CYP7B1: variants seen among roughly 807,000 people sequenced by gnomAD.
The protein encoded by CYP7B1 is cytochrome P450 7B1.
CYP7B1 carries 29 observed loss-of-function variants against 42.7 expected under a neutral mutation model. The ratio of observed to expected loss-of-function variants is 0.68; its 90% CI spans 0.51 to 0.93. The LOEUF (loss-of-function observed/expected upper bound fraction) is 0.93, where lower values mean the gene tolerates loss of function less well. Ranked by LOEUF, CYP7B1 falls within the 40% of genes least tolerant of loss-of-function variation. The pLI is 0.00. For synonymous variants in CYP7B1, 235 were observed against 218.2 expected (o/e 1.08, Z -0.68); for missense variants, 655 against 600.5 (o/e 1.09, Z -0.95).
At chr8:64,625,439 C>T (rs903772814) in intron 1 of CYP7B1, among the ~76,000 whole-genome samples, 6 of 152,050 alleles carry the variant, frequency 3.9e-5, no homozygotes, top group African/African-American at 7.2e-5. Context: ...AGGAGATCTC[C>T]GGGAAACTAA....
chr8:64,630,360 C>A (rs1306251180), intron 1 of CYP7B1, among the ~76,000 whole-genome samples: 2 of 152,158 alleles, frequency 1.3e-5, no homozygotes, highest in African/African-American at 4.8e-5. Context: ...TTAAATCTGG[C>A]CCACTATCTA....
intron 4 of CYP7B1, among the ~76,000 whole-genome samples, chr8:64,609,776 AC>A (rs1343658727): frequency 7.9e-5 from 12 of 152,180 alleles, no homozygotes; most frequent in Admixed American, 2.0e-4. Context: ...ATTATCAGCA[AC>A]CCTGGATGGC....
chr8:64,641,542 G>A (rs1423232125), intron 1 of CYP7B1, among the ~76,000 whole-genome samples: 1 of 152,076 alleles, frequency 6.6e-6, no homozygotes, highest in Non-Finnish European at 1.5e-5. Flanking sequence ...AAAAGGTTCA[G>A]GAAAACTAAT....
At chr8:64,761,879 AC>A (rs1432174918) in intron 1 of CYP7B1, among the ~76,000 whole-genome samples, 1 of 152,196 alleles carries the variant, frequency 6.6e-6, no homozygotes, top group African/African-American at 2.4e-5. Flanking sequence ...CATATTCTTA[AC>A]AAGACCTTGT....
At chr8:64,655,679 A>T (rs564842191) in intron 1 of CYP7B1, among the ~76,000 whole-genome samples, 144 of 152,336 alleles carry the variant, frequency 9.5e-4, no homozygotes, top group Non-Finnish European at 1.5e-3. Flanking sequence ...CCAGAGGAAT[A>T]TAAACTATTT....
At chr8:64,759,463 C>T (rs550257405) in intron 1 of CYP7B1, among the ~76,000 whole-genome samples, 1 of 152,286 alleles carries the variant, frequency 6.6e-6, no homozygotes, top group Non-Finnish European at 1.5e-5. Context: ...ATGTGTTCCC[C>T]TCTGTTGACT....
chr8:64,735,985 T>C (rs532391485), intron 1 of CYP7B1, among the ~76,000 whole-genome samples: 2 of 152,346 alleles, frequency 1.3e-5, no homozygotes, highest in South Asian at 4.1e-4. Context: ...TTTTAATGTT[T>C]TCACCCATGC....
chr8:64,736,639 T>TG (rs1807491809), intron 1 of CYP7B1, among the ~76,000 whole-genome samples: 1 of 151,846 alleles, frequency 6.6e-6, no homozygotes, highest in African/African-American at 2.4e-5. Flanking sequence ...TTAGTAGAGA[T>TG]GGGGTTTCAC....
chr8:64,774,529 TA>T (rs148604822), intron 1 of CYP7B1, among the ~76,000 whole-genome samples: 12,297 of 151,320 alleles, frequency 0.081, 746 homozygotes, highest in African/African-American at 0.16. Context: ...GGGGATCAAG[TA>T]AAAAAAAACT....
At position 64,596,533 on chromosome 8, in the gene CYP7B1, C is replaced by T. The variant is rs867985937; in HGVS notation, c.*109G>A. The T allele has an allele frequency of 3.6e-5, 43 of 1,185,428 alleles. No individual in the cohort carries two copies. Among genetic ancestry groups the T allele is most frequent in the Middle Eastern group, 5.7e-4 (2 of 3,498 alleles). 73.4% of individuals were successfully genotyped at this position (1,185,428 alleles called of 1,614,324 possible). ...ATATCAGATCAAATAGAAATTAGCG[C>T]TTTTTAAACAAATAAATCAATTACA... On this transcript the variant is annotated 3_prime_UTR_variant, in exon 6 of 6. Coordinates refer to ENST00000310193, the MANE Select transcript of CYP7B1 (RefSeq NM_004820.5).
Position 64,616,197 on chromosome 8 carries a change from G to C in CYP7B1, c.344C>G (p.Ser115Cys), listed in dbSNP as rs762579939. ...NHKQLSFRVF[S>C]NKLLEKAFSI... ...AAATGCTTTCTCTAATAATTTATTA[G>C]AAAATACTCGAAAGCTTAATTGTTT... Residue 115 changes from serine (S) to cysteine (C), a missense_variant, in exon 3 of 6, where the codon TCT becomes TGT. Ser to Cys is a moderately radical substitution (Grantham distance 112). Transcript: ENST00000310193. 6.2e-7 allele frequency: 1 copy of C among 1,610,644 alleles called. No homozygotes were observed. Among genetic ancestry groups the C allele is most frequent in the Non-Finnish European group, 8.5e-7 (1 of 1,178,502 alleles).
intron 1 of CYP7B1, among the ~76,000 whole-genome samples, chr8:64,697,074 T>C (rs1806840103): frequency 2.0e-5 from 3 of 152,224 alleles, no homozygotes; most frequent in Admixed American, 6.5e-5. Context: ...TCTACTGCTT[T>C]AGTTTCCTGG....
rs188215059 is a variant in CYP7B1, at chr8:64,695,583, T to C, written c.123-71044A>G. Among the ~76,000 whole-genome samples the C allele has an allele frequency of 1.4e-3, 195 of 139,544 alleles. 2 individuals carry two copies. The highest frequency in any genetic ancestry group is 2.2e-4 in the Non-Finnish European group (14 of 64,196). 91.5% of individuals were successfully genotyped at this position (139,544 alleles called of 152,430 possible). ...TGTGCACTTTTTAAAAAGAACAAAATAAAACATGTTATCAAATTCCTTTTT... is the reference window on the plus strand; with the variant it reads ...TGTGCACTTTTTAAAAAGAACAAAACAAAACATGTTATCAAATTCCTTTTT... On this transcript the variant is annotated intron_variant, in intron 1 of 5. Transcript: ENST00000310193.
intron 1 of CYP7B1, among the ~76,000 whole-genome samples, chr8:64,766,253 T>C (rs549363804): frequency 1.3e-4 from 20 of 152,130 alleles, no homozygotes; most frequent in Non-Finnish European, 2.6e-4. Context: ...CACTATAACA[T>C]AGGGAAAGGA....
At chr8:64,627,467 T>C (rs1333238588) in intron 1 of CYP7B1, among the ~76,000 whole-genome samples, 1 of 152,238 alleles carries the variant, frequency 6.6e-6, no homozygotes, top group Non-Finnish European at 1.5e-5. Flanking sequence ...GGTCTACTTA[T>C]ACTCTGTTTG....
At chr8:64,603,849 A>C (rs1805236689) in intron 5 of CYP7B1, among the ~76,000 whole-genome samples, 1 of 152,240 alleles carries the variant, frequency 6.6e-6, no homozygotes, top group Non-Finnish European at 1.5e-5. Flanking sequence ...GATGCAAAAC[A>C]TCTATCTTAG....
At chr8:64,762,185 T>G (rs1807900694) in intron 1 of CYP7B1, among the ~76,000 whole-genome samples, 1 of 152,152 alleles carries the variant, frequency 6.6e-6, no homozygotes, top group Non-Finnish European at 1.5e-5. Flanking sequence ...ATAATAACAT[T>G]ATAGCTGTAA....
At chr8:64,674,681 A>C (rs892696107) in intron 1 of CYP7B1, among the ~76,000 whole-genome samples, 2 of 152,114 alleles carry the variant, frequency 1.3e-5, no homozygotes, top group Admixed American at 1.3e-4. Context: ...ACCGTAGTGC[A>C]CAGGAGAGTC....
chr8:64,742,339 T>C (rs1807582209), intron 1 of CYP7B1, among the ~76,000 whole-genome samples: 1 of 152,164 alleles, frequency 6.6e-6, no homozygotes, highest in African/African-American at 2.4e-5. Context: ...TGGCCTCCTA[T>C]TTTTATATTT....
Sources: allele counts gnomAD v4.1 joint callset (sites outside exome capture counted in the v4.1 genomes callset), GRCh38; gene constraint gnomAD v4.1.1; transcripts MANE v1.5; gene names NCBI Gene and HGNC (gene_info 2026-07-23, HGNC 2026-07-21).